The following ATP2B2 variants were observed in gnomAD, a reference collection of about 807,000 sequenced individuals.
The protein encoded by ATP2B2 is ATPase plasma membrane Ca2+ transporting 2, also known as plasma membrane calcium-transporting ATPase 2.
ATP2B2 carries 15 observed loss-of-function variants against 120.0 expected under a neutral mutation model. The ratio of observed to expected loss-of-function variants is 0.12; its 90% CI spans 0.08 to 0.19. The LOEUF is 0.19. ATP2B2 is among the 10% of genes least tolerant of loss of function. ATP2B2 has a pLI of 1.00. For synonymous variants in ATP2B2, 694 were observed against 700.3 expected, an observed-to-expected ratio of 0.99 and a Z score of 0.14; for missense variants, 1,045 against 1,719.8, an observed-to-expected ratio of 0.61 and a Z score of 6.94.
intron 4 of ATP2B2, among the ~76,000 whole-genome samples, chr3:10,401,688 A>G (rs528937449): frequency 6.6e-6 from 1 of 152,316 alleles, no homozygotes; most frequent in African/African-American, 2.4e-5. Context: ...TAGCCCAACA[A>G]GCATCCATTA....
intron 1 of ATP2B2, among the ~76,000 whole-genome samples, chr3:10,658,745 G>A (rs2070703454): frequency 6.6e-6 from 1 of 151,990 alleles, no homozygotes; most frequent in Non-Finnish European, 1.5e-5. Context: ...TACAGAGAAT[G>A]CCACAAAGAT....
chr3:10,414,525 C>T (rs1024679615), intron 2 of ATP2B2, among the ~76,000 whole-genome samples: 1 of 152,220 alleles, frequency 6.6e-6, no homozygotes, highest in Non-Finnish European at 1.5e-5. Flanking sequence ...AAGAGGACAG[C>T]TGCTTCTCAG....
At chr3:10,707,081 C>T (rs1425197493) in intron 1 of ATP2B2, among the ~76,000 whole-genome samples, 2 of 152,188 alleles carry the variant, frequency 1.3e-5, no homozygotes, top group Non-Finnish European at 2.9e-5. Context: ...GTGGCCAGGC[C>T]CTGGGTGAGT....
At chr3:10,656,249 G>A (rs115198179) in intron 1 of ATP2B2, among the ~76,000 whole-genome samples, 12 of 152,282 alleles carry the variant, frequency 7.9e-5, no homozygotes, top group African/African-American at 2.2e-4. Context: ...CAGGGGTCCA[G>A]CCCCACTTCA....
At chr3:10,488,515 CTTCCTTCCTTCCTTCT>C (rs1559403082) in intron 1 of ATP2B2, among the ~76,000 whole-genome samples, 1 of 118,072 alleles carries the variant, frequency 8.5e-6, no homozygotes, top group Non-Finnish European at 1.9e-5. Flanking sequence ...TCGTTCCTTC[CTTCCTTCCTTCCTTCT>C]TTCCTTCCTT....
chr3:10,646,309 A>G (rs975256050), intron 1 of ATP2B2, among the ~76,000 whole-genome samples: 9 of 151,266 alleles, frequency 5.9e-5, no homozygotes, highest in Non-Finnish European at 1.3e-4. Flanking sequence ...GCATTGCTTC[A>G]CTCCCCAAAT....
intron 2 of ATP2B2, among the ~76,000 whole-genome samples, chr3:10,615,937 C>T (rs2069373949): frequency 6.6e-6 from 1 of 152,080 alleles, no homozygotes; most frequent in South Asian, 2.1e-4. Flanking sequence ...TGTACTGTTG[C>T]TTCTGGGTCT....
intron 2 of ATP2B2, among the ~76,000 whole-genome samples, chr3:10,587,578 C>T (rs1361439427): frequency 6.6e-6 from 1 of 152,128 alleles, no homozygotes; most frequent in Non-Finnish European, 1.5e-5. Context: ...GAGGGTCTCA[C>T]CATGTTGGCC....
chr3:10,505,191 CT>C (rs1450774532), intron 1 of ATP2B2, among the ~76,000 whole-genome samples: 3 of 152,126 alleles, frequency 2.0e-5, no homozygotes, highest in Non-Finnish European at 4.4e-5. Flanking sequence ...CGAGGCCCCC[CT>C]GTCCTAGTCC....
At chr3:10,610,690 C>T (rs1010775580) in intron 2 of ATP2B2, among the ~76,000 whole-genome samples, 2 of 152,210 alleles carry the variant, frequency 1.3e-5, no homozygotes, top group Non-Finnish European at 2.9e-5. Context: ...CTTCCTGGGT[C>T]TCATCCCTCT....
intron 3 of ATP2B2, among the ~76,000 whole-genome samples, chr3:10,514,420 A>G (rs882527): frequency 0.24 from 36,783 of 152,108 alleles, 4,945 homozygotes; most frequent in South Asian, 0.39. Flanking sequence ...TATCTCCCAC[A>G]TACTCCCCAG....
chr3:10,576,152 A>G (rs1263863375), intron 2 of ATP2B2, among the ~76,000 whole-genome samples: 1 of 152,230 alleles, frequency 6.6e-6, no homozygotes, highest in Non-Finnish European at 1.5e-5. Context: ...GGAGGTGTCC[A>G]GGCCTCCAGA....
chr3:10,607,606 T>C (rs569345694), intron 2 of ATP2B2, among the ~76,000 whole-genome samples: 1 of 152,286 alleles, frequency 6.6e-6, no homozygotes, highest in East Asian at 1.9e-4. Context: ...CTCAGTGGCA[T>C]TGCCATTCAA....
At chr3:10,560,796 C>T (rs943553087) in intron 2 of ATP2B2, among the ~76,000 whole-genome samples, 5 of 152,144 alleles carry the variant, frequency 3.3e-5, no homozygotes, top group African/African-American at 4.8e-5. Flanking sequence ...CATCCATTGA[C>T]GGCCCTCCTG....
chr3:10,402,325 C>T lies in ATP2B2; in HGVS notation c.421G>A (p.Ala141Thr), dbSNP rs151303929. 76 of 1,613,778 alleles carry T rather than the reference C, an allele frequency of 4.7e-5. No homozygotes were observed. The African/African-American group carries it at 9.2e-4, about 20-fold the overall frequency. ...GCCTCTGCCTCTCCTTCATCCTCTGCCCCACCCTGGGCCGTCGCACATCCT... is the reference window on the plus strand; with the variant it reads ...GCCTCTGCCTCTCCTTCATCCTCTGTCCCACCCTGGGCCGTCGCACATCCT... ...NEGCATAQGG[A>T]EDEGEAEAGW... Residue 141 changes from alanine (A) to threonine (T), a missense_variant, in exon 4 of 23, where the codon GCA (alanine) becomes ACA (threonine). Ala to Thr is a moderately conservative substitution (Grantham distance 58, BLOSUM62 0). Coordinates refer to ENST00000360273, the MANE Select transcript of ATP2B2 (RefSeq NM_001001331.4). This position sits in a 1 kb window ranked among gnomAD's most constrained non-coding sequence, Gnocchi z 4.9.
At chr3:10,534,011 C>G (rs2125480455) in intron 3 of ATP2B2, 1 of 152,378 alleles carries the variant, frequency 6.6e-6, no homozygotes, top group Non-Finnish European at 1.5e-5. Context: ...GCTGATACCC[C>G]CCAGTCAAGC....
chr3:10,610,593 A>G (rs1211636388), intron 2 of ATP2B2, among the ~76,000 whole-genome samples: 1 of 152,204 alleles, frequency 6.6e-6, no homozygotes, highest in Non-Finnish European at 1.5e-5. Flanking sequence ...GATAGGTTCC[A>G]AATTAAGAAT....
chr3:10,343,565 T>A lies in ATP2B2; in HGVS notation c.2704-600A>T, dbSNP rs1436362536. On this transcript the variant is annotated intron_variant, in intron 18 of 22. Coordinates refer to ENST00000360273, the MANE Select transcript of ATP2B2 (RefSeq NM_001001331.4). This position sits in a 1 kb window ranked among gnomAD's most constrained non-coding sequence, Gnocchi z 4.2. ...GACCTCACCACTTTTAGGTCACCAC[T>A]GTCCAGGTTCTGGGAGGGACCCTTT... Among the ~76,000 whole-genome samples the A allele has an allele frequency of 1.3e-5, 2 of 152,136 alleles. No homozygotes were observed. The highest frequency in any genetic ancestry group is 4.8e-5 in the African/African-American group (2 of 41,424).
chr3:10,482,713 C>A (rs897564259), intron 1 of ATP2B2, among the ~76,000 whole-genome samples: 1 of 152,246 alleles, frequency 6.6e-6, no homozygotes, highest in African/African-American at 2.4e-5. Context: ...AGCTGGGCCC[C>A]ACCTGAGCCT....
Sources: gnomAD v4.1 joint callset for allele counts (sites outside exome capture counted in the v4.1 genomes callset) on GRCh38, gnomAD v4.1.1 for gene constraint, Gnocchi (gnomAD v3.1) non-coding constraint, MANE v1.5 for transcripts, NCBI Gene and HGNC (gene_info 2026-07-23, HGNC 2026-07-21) for gene names.